The following KLRG1 variants were observed in gnomAD, a reference collection of about 807,000 sequenced individuals.
KLRG1 encodes killer cell lectin-like receptor subfamily G member 1.
Under a neutral mutation model 21.8 loss-of-function variants are expected in KLRG1, and 16 were observed. That is an observed-to-expected ratio of 0.73 (90% CI 0.50 to 1.11). KLRG1 has a LOEUF of 1.11. Among genes scored for constraint, KLRG1 ranks in the 50% most tolerant of loss-of-function variants. The probability of loss-of-function intolerance (pLI) is 0.00; values close to 1 mark genes in which losing one functional copy is unlikely to be tolerated. For missense variants in KLRG1, 173 were observed against 218.3 expected, an observed-to-expected ratio of 0.79 and a Z score of 1.31; for synonymous variants, 69 against 75.9, an observed-to-expected ratio of 0.91 and a Z score of 0.47.
the KLRG1 span, chr12:9,052,810 C>T: frequency 5.7e-5 from 26 of 454,124 alleles, no homozygotes; most frequent in Non-Finnish European, 1.1e-4. Context: ...GTATCTACAT[C>T]ATAATGTGAT....
At chr12:9,005,071 A>G (rs1947428343) in intron 3 of KLRG1, among the ~76,000 whole-genome samples, 1 of 152,186 alleles carries the variant, frequency 6.6e-6, no homozygotes, top group Admixed American at 6.6e-5. Context: ...ATGTTCAACA[A>G]CAAATAAATG....
At chr12:8,984,460 G>A (rs1172855003) in intron 1 of KLRG1, among the ~76,000 whole-genome samples, 1 of 152,022 alleles carries the variant, frequency 6.6e-6, no homozygotes, top group Non-Finnish European at 1.5e-5. Context: ...CACCATGTTG[G>A]CCAGGCTGGT....
intron 1 of KLRG1, among the ~76,000 whole-genome samples, chr12:8,958,239 G>A (rs1469507464): frequency 1.3e-5 from 2 of 152,076 alleles, no homozygotes; most frequent in East Asian, 3.9e-4. Context: ...AGTTGAGGTA[G>A]CACTGAGGTT....
intron 1 of KLRG1, among the ~76,000 whole-genome samples, chr12:8,952,165 A>G (rs939467776): frequency 6.6e-6 from 1 of 152,198 alleles, no homozygotes; most frequent in African/African-American, 2.4e-5. Flanking sequence ...ACCTACACCC[A>G]CACTGCCTTC....
At chr12:9,192,063 G>A in the KLRG1 span, 4 of 725,696 alleles carry the variant, frequency 5.5e-6, no homozygotes, top group Non-Finnish European at 9.6e-6. Context: ...GTCATAAGAC[G>A]AGTATTTTCC....
At chr12:9,091,044 C>T in the KLRG1 span, among the ~76,000 whole-genome samples, 2 of 151,896 alleles carry the variant, frequency 1.3e-5, no homozygotes, top group South Asian at 2.1e-4. Flanking sequence ...CTTTATGGTG[C>T]AATTTGGTAT....
chr12:9,212,181 G>A, the KLRG1 span, among the ~76,000 whole-genome samples: 3 of 152,296 alleles, frequency 2.0e-5, no homozygotes, highest in African/African-American at 7.2e-5. Context: ...AGGTCTTCAG[G>A]CCTGCCTCTG....
chr12:9,102,872 A>G, the KLRG1 span, among the ~76,000 whole-genome samples: 103 of 152,352 alleles, frequency 6.8e-4, no homozygotes, highest in Non-Finnish European at 1.4e-3. Context: ...TATGCCATCT[A>G]TTAAAGCTAA....
intron 1 of KLRG1, among the ~76,000 whole-genome samples, chr12:8,958,032 A>C (rs1946324565): frequency 6.6e-6 from 1 of 152,112 alleles, no homozygotes; most frequent in African/African-American, 2.4e-5. Flanking sequence ...TCTTCTAAGA[A>C]GCCTTATAGT....
chr12:9,110,288 A>G, the KLRG1 span: 1 of 1,454,838 alleles, frequency 6.9e-7, no homozygotes, highest in Non-Finnish European at 9.3e-7. Flanking sequence ...CTTTCCTTTT[A>G]ATATGGAATG....
chr12:9,150,071 G>A, the KLRG1 span, among the ~76,000 whole-genome samples: 1 of 152,114 alleles, frequency 6.6e-6, no homozygotes. Context: ...TGCTGTTTTT[G>A]CCTCTCAAAC....
chr12:8,953,080 G>A (rs1946232937), intron 1 of KLRG1, among the ~76,000 whole-genome samples: 1 of 149,564 alleles, frequency 6.7e-6, no homozygotes, highest in Non-Finnish European at 1.5e-5. Flanking sequence ...GGCCTCACTT[G>A]ACCTGCTGCC....
chr12:8,976,807 G>A (rs1055553989), intron 1 of KLRG1, among the ~76,000 whole-genome samples: 2 of 151,872 alleles, frequency 1.3e-5, no homozygotes, highest in South Asian at 2.1e-4. Context: ...GTGCAATGGC[G>A]TGCATTTTGG....
At chr12:9,168,933 T>C in the KLRG1 span, 2 of 1,614,086 alleles carry the variant, frequency 1.2e-6, no homozygotes, top group Admixed American at 3.3e-5. Context: ...ACGACTTTGG[T>C]TTTCGGATTT....
At chr12:9,001,262 C>G (rs976333941) in intron 3 of KLRG1, among the ~76,000 whole-genome samples, 1 of 152,122 alleles carries the variant, frequency 6.6e-6, no homozygotes, top group Non-Finnish European at 1.5e-5. Flanking sequence ...TTAGTAATTA[C>G]ATCCTTTGCT....
the KLRG1 span, among the ~76,000 whole-genome samples, chr12:9,053,995 G>T: frequency 2.6e-5 from 4 of 152,084 alleles, no homozygotes; most frequent in African/African-American, 4.8e-5. Flanking sequence ...AAAAGCCCCA[G>T]CCCAGAACTC....
intron 1 of KLRG1, among the ~76,000 whole-genome samples, chr12:8,961,193 G>A (rs1239911836): frequency 6.6e-6 from 1 of 152,200 alleles, no homozygotes; most frequent in African/African-American, 2.4e-5. Flanking sequence ...GGAATCTCAT[G>A]TTGCTTGCTA....
At chr12:9,195,534 T>C in the KLRG1 span, among the ~76,000 whole-genome samples, 1 of 151,570 alleles carries the variant, frequency 6.6e-6, no homozygotes, top group Non-Finnish European at 1.5e-5. Context: ...GCATCGAAGT[T>C]CTGGGCTCGA....
At chr12:8,963,117 T>A (rs1946407548) in intron 1 of KLRG1, among the ~76,000 whole-genome samples, 1 of 152,208 alleles carries the variant, frequency 6.6e-6, no homozygotes, top group African/African-American at 2.4e-5. Context: ...AAGTTAAATA[T>A]ATTTAAAACA....
Sources: gnomAD v4.1 joint callset for allele counts (sites outside exome capture counted in the v4.1 genomes callset) on GRCh38, gnomAD v4.1.1 for gene constraint, MANE v1.5 for transcripts, NCBI Gene and HGNC (gene_info 2026-07-23, HGNC 2026-07-21) for gene names.